The following MAPK9 variants were observed in gnomAD, a reference collection of about 807,000 sequenced individuals.
MAPK9 encodes Jun kinase.
MAPK9 carries 30 observed loss-of-function variants against 57.1 expected under a neutral mutation model. The ratio of observed to expected loss-of-function variants is 0.53; its 90% CI spans 0.39 to 0.71. The LOEUF (loss-of-function observed/expected upper bound fraction) is 0.71. Among genes scored for constraint, MAPK9 ranks in the 30% least tolerant of loss-of-function variants. The pLI is 0.00. For missense variants in MAPK9, 362 were observed against 521.0 expected (o/e 0.69, Z 2.97); for synonymous variants, 155 against 177.0 (o/e 0.88, Z 0.99).
intron 2 of MAPK9, among the ~76,000 whole-genome samples, chr5:180,276,371 A>C (rs538919937): frequency 1.4e-4 from 21 of 152,302 alleles, no homozygotes; most frequent in African/African-American, 4.8e-4. Context: ...CATTTCATAG[A>C]ATGGTTTCGT....
Position 180,276,219 on chromosome 5 carries a change from A to G in MAPK9, c.122+4221T>C, listed in dbSNP as rs35035005. Among the ~76,000 whole-genome samples the G allele has an allele frequency of 9.6e-3, 1,467 of 152,356 alleles. 23 individuals carry two copies. The highest frequency in any genetic ancestry group is 0.034 in the African/African-American group (1,403 of 41,574). ...ATATTAATAGAAAATAAACCATGTT[A>G]AGAACAGGCCAGTACTCATGTTTAT... On this transcript the variant is annotated intron_variant, in intron 2 of 11. Transcript: ENST00000452135.
At chr5:180,267,535 T>A (rs1253519932) in intron 3 of MAPK9, among the ~76,000 whole-genome samples, 2 of 139,400 alleles carry the variant, frequency 1.4e-5, no homozygotes, top group Non-Finnish European at 3.0e-5. Flanking sequence ...GCCCTCCAGG[T>A]TGGGCGACAG....
At chr5:180,245,268 G>A (rs929388070) in intron 7 of MAPK9, among the ~76,000 whole-genome samples, 1 of 152,100 alleles carries the variant, frequency 6.6e-6, no homozygotes, top group African/African-American at 2.4e-5. Flanking sequence ...CAGAGTACAA[G>A]CCCATCTCCC....
rs1756997325 is a variant in MAPK9, at chr5:180,233,837, G to A, written c.*2547C>T. 1 of 152,228 alleles carries A rather than the reference G, an allele frequency of 6.6e-6. No individual in the cohort carries two copies. The highest frequency in any genetic ancestry group is 1.5e-5 in the Non-Finnish European group (1 of 68,050). 9.4% of individuals were successfully genotyped at this position (152,228 alleles called of 1,614,324 possible). ...GAAGCAGCACCCGCTCCGTGTTTCAGACACGGACTTGGGGTGGGCAAGGGG... is the reference window on the plus strand; with the variant it reads ...GAAGCAGCACCCGCTCCGTGTTTCAAACACGGACTTGGGGTGGGCAAGGGG... On this transcript the variant is annotated 3_prime_UTR_variant, in exon 12 of 12. Coordinates refer to ENST00000452135, the MANE Select transcript of MAPK9 (RefSeq NM_002752.5).
chr5:180,258,526 A>G (rs1277592500), intron 5 of MAPK9, among the ~76,000 whole-genome samples: 1 of 152,222 alleles, frequency 6.6e-6, no homozygotes, highest in African/African-American at 2.4e-5. Context: ...CTCCATGTGA[A>G]GACATCAAAG....
intron 2 of MAPK9, among the ~76,000 whole-genome samples, chr5:180,271,514 G>A (rs985036514): frequency 1.4e-4 from 21 of 152,008 alleles, no homozygotes; most frequent in African/African-American, 1.9e-4. Flanking sequence ...TAATCTTCAC[G>A]CTTCTTCAAC....
At chr5:180,282,039 T>C (rs1352508142) in intron 1 of MAPK9, among the ~76,000 whole-genome samples, 1 of 152,180 alleles carries the variant, frequency 6.6e-6, no homozygotes, top group Non-Finnish European at 1.5e-5. Flanking sequence ...TCAGGAGCTC[T>C]CCAGGCTGGC....
In MAPK9 at chr5:180,236,447, C is replaced by A; in HGVS notation, c.1212G>T (p.Thr404=). 1 of 1,613,890 alleles carries A rather than the reference C, an allele frequency of 6.2e-7. No individual in the cohort carries two copies. The highest frequency in any genetic ancestry group is 1.1e-5 in the South Asian group (1 of 91,048). Residue 404 remains threonine (T), a synonymous_variant, in exon 12 of 12, where the codon ACG becomes ACT. Transcript: ENST00000452135. ...NDISSMSTEQ[T]LASDTDSSLD... ...GACTGCTGTCTGTGTCTGAGGCCAG[C>A]GTCTGCTCAGTGGACATGGATGAAA...
chr5:180,288,191 A>AT (rs1173248573), intron 1 of MAPK9, among the ~76,000 whole-genome samples: 27 of 152,358 alleles, frequency 1.8e-4, no homozygotes, highest in African/African-American at 6.5e-4. Flanking sequence ...ACTTACAGAG[A>AT]TTACAGAGAA....
At chr5:180,236,742 A>C in intron 11 of MAPK9, 1 of 425,732 alleles carries the variant, frequency 2.3e-6, no homozygotes, top group Non-Finnish European at 4.1e-6. Context: ...TTTCCTTGCA[A>C]GATTCTTCTT....
In MAPK9 at chr5:180,285,458, G is replaced by A. The variant is rs116238922; in HGVS notation, c.-47-4850C>T. 4.6e-3 allele frequency among the ~76,000 whole-genome samples: 706 copies of A among 152,206 alleles called. 5 individuals are homozygous for A. Among genetic ancestry groups the A allele is most frequent in the African/African-American group, 0.016 (667 of 41,526 alleles). On this transcript the variant is annotated intron_variant, in intron 1 of 11. Coordinates refer to ENST00000452135, the MANE Select transcript of MAPK9 (RefSeq NM_002752.5). Reference sequence around the variant, plus strand: ...CTACCAAAACACTTTTTCCTCTAACGATGACAACGATTCAGTGATCCACAG... The same window carrying A: ...CTACCAAAACACTTTTTCCTCTAACAATGACAACGATTCAGTGATCCACAG...
chr5:180,241,672 C>T (rs1471372324), intron 8 of MAPK9, among the ~76,000 whole-genome samples: 3 of 152,212 alleles, frequency 2.0e-5, no homozygotes, highest in Non-Finnish European at 4.4e-5. Flanking sequence ...TGTAGTTTTA[C>T]GCCTCTGGAT....
chr5:180,246,539 A>G (rs1175912161), intron 7 of MAPK9: 1 of 152,226 alleles, frequency 6.6e-6, no homozygotes, highest in East Asian at 1.9e-4. Flanking sequence ...AGCAACCATC[A>G]ATCTGCCCAA....
intron 5 of MAPK9, among the ~76,000 whole-genome samples, chr5:180,253,963 CTTTT>C (rs5873681): frequency 3.7e-5 from 4 of 109,360 alleles, no homozygotes; most frequent in East Asian, 2.8e-4. Flanking sequence ...GCTTCAATCT[CTTTT>C]TTTTTTTTTT....
At chr5:180,256,297 G>A (rs998979990) in intron 5 of MAPK9, among the ~76,000 whole-genome samples, 1 of 150,196 alleles carries the variant, frequency 6.7e-6, no homozygotes, top group African/African-American at 2.4e-5. Flanking sequence ...TTAAAAGTGT[G>A]TCTATCTCTG....
At chr5:180,279,367 G>C (rs187108697) in intron 2 of MAPK9, among the ~76,000 whole-genome samples, 37 of 152,230 alleles carry the variant, frequency 2.4e-4, no homozygotes, top group Non-Finnish European at 4.0e-4. Context: ...CTTCCAAACA[G>C]TCCCTTTCCC....
At position 180,264,778 on chromosome 5, in the gene MAPK9, T is replaced by TA. The variant is rs766525375; in HGVS notation, c.311+2dup. The TA allele has an allele frequency of 6.4e-7, 1 of 1,570,288 alleles. No homozygotes were observed. The highest frequency in any genetic ancestry group is 8.6e-7 in the Non-Finnish European group (1 of 1,157,812). ...TGCATTACTGAATAAAAATGATACT[T>TA]ACACATCTTGAAATTCTTCTAGAGT... On this transcript the variant is annotated splice_region_variant and intron_variant, in intron 4 of 11. Transcript: ENST00000452135.
intron 6 of MAPK9, 80 bp downstream of exon 6, chr5:180,248,893 A>G (rs1758387886): frequency 1.4e-6 from 2 of 1,477,492 alleles, no homozygotes; most frequent in Non-Finnish European, 1.8e-6. Context: ...ATATGGTTCA[A>G]AGGAAAGAGA....
intron 1 of MAPK9, among the ~76,000 whole-genome samples, chr5:180,280,990 CG>C (rs1236740805): frequency 6.6e-6 from 1 of 152,148 alleles, no homozygotes; most frequent in Admixed American, 6.5e-5. Context: ...TGTCTAGAGA[CG>C]GAGGCATTGT....
Sources: allele counts gnomAD v4.1 joint callset (sites outside exome capture counted in the v4.1 genomes callset), GRCh38; gene constraint gnomAD v4.1.1; transcripts MANE v1.5; gene names NCBI Gene and HGNC (gene_info 2026-07-23, HGNC 2026-07-21).